AKAP9: variants seen among roughly 807,000 people sequenced by gnomAD.
AKAP9 encodes the protein A-kinase anchor protein 9.
Under a neutral mutation model 488.5 loss-of-function variants are expected in AKAP9, and 311 were observed. That is an observed-to-expected ratio of 0.64 (90% CI 0.58 to 0.70). The LOEUF (loss-of-function observed/expected upper bound fraction) is 0.70, where lower values mean the gene tolerates loss of function less well. Among genes scored for constraint, AKAP9 ranks in the 30% least tolerant of loss-of-function variants. The pLI is 0.00. For missense variants in AKAP9, 4,215 were observed against 4,374.5 expected, an observed-to-expected ratio of 0.96 and a Z score of 1.03; for synonymous variants, 1,462 against 1,483.5, an observed-to-expected ratio of 0.99 and a Z score of 0.33.
intron 1 of AKAP9, among the ~76,000 whole-genome samples, chr7:91,957,941 C>T (rs1793251936): frequency 6.6e-6 from 1 of 152,018 alleles, no homozygotes; most frequent in African/African-American, 2.4e-5. Context: ...TTCTGACGTA[C>T]AGCACATGCC....
At chr7:92,093,841 TTTTA>T in intron 39 of AKAP9, among the ~76,000 whole-genome samples, 1 of 152,032 alleles carries the variant, frequency 6.6e-6, no homozygotes, top group Non-Finnish European at 1.5e-5. Flanking sequence ...TATTTATTTA[TTTTA>T]TTTTATTTTT....
At chr7:92,003,512 G>C (rs1799425174) in intron 8 of AKAP9, among the ~76,000 whole-genome samples, 1 of 151,892 alleles carries the variant, frequency 6.6e-6, no homozygotes, top group Admixed American at 6.6e-5. Flanking sequence ...ACAAGAGTTT[G>C]TATAACTTTA....
In AKAP9 at chr7:92,038,773, G is replaced by T; in HGVS notation, c.4692+1G>T. Reference sequence around the variant, plus strand: ...TAAAACATTTATAGTTAGACAGTCTGTAAGTATGCCTCCTTGAATATAAAA... The same window carrying T: ...TAAAACATTTATAGTTAGACAGTCTTTAAGTATGCCTCCTTGAATATAAAA... On this transcript the variant is annotated splice_donor_variant, in intron 17 of 49. Coordinates refer to ENST00000356239, the MANE Select transcript of AKAP9 (RefSeq NM_005751.5). LOFTEE classifies it high-confidence loss of function. 1.9e-6 allele frequency: 3 copies of T among 1,576,354 alleles called. No individual in the cohort carries two copies. The highest frequency in any genetic ancestry group is 2.6e-6 in the Non-Finnish European group (3 of 1,150,646).
At chr7:92,106,548 T>C (rs963923751) in intron 47 of AKAP9, among the ~76,000 whole-genome samples, 2 of 152,224 alleles carry the variant, frequency 1.3e-5, no homozygotes, top group Non-Finnish European at 1.5e-5. Flanking sequence ...TAGGAAGTTT[T>C]CATAATTTAA....
chr7:92,010,330 A>G (rs1052915225), intron 8 of AKAP9, among the ~76,000 whole-genome samples: 3 of 152,244 alleles, frequency 2.0e-5, no homozygotes, highest in Non-Finnish European at 4.4e-5. Flanking sequence ...CCAACCTTTG[A>G]TCATTCGCAG....
chr7:91,986,040 T>C (rs563688599), intron 3 of AKAP9, among the ~76,000 whole-genome samples: 1 of 152,334 alleles, frequency 6.6e-6, no homozygotes, highest in African/African-American at 2.4e-5. Flanking sequence ...TGAATCTGTC[T>C]GGTCCTGGAC....
chr7:91,968,874 GTTTGT>G (rs1202459027), intron 1 of AKAP9, among the ~76,000 whole-genome samples: 3 of 151,768 alleles, frequency 2.0e-5, no homozygotes, highest in Non-Finnish European at 4.4e-5. Context: ...TTGGTTTTTT[GTTTGT>G]TTTGTTTTTT....
chr7:91,980,495 C>CTTTTTTTTTTTTTTTTTT (rs60385804), intron 3 of AKAP9, among the ~76,000 whole-genome samples, 162 bp downstream of exon 3: 11 of 48,768 alleles, frequency 2.3e-4, no homozygotes, highest in East Asian at 1.4e-3. Context: ...GTATTACTGA[C>CTTTTTTTTTTTTTTTTTT]TTTTTTTTTT....
Position 92,093,098 on chromosome 7 carries a change from A to G in AKAP9, c.9360A>G (p.Glu3120=), listed in dbSNP as rs1332498946. 1.9e-6 allele frequency: 3 copies of G among 1,603,472 alleles called. No individual in the cohort carries two copies. Among genetic ancestry groups the G allele is most frequent in the African/African-American group, 1.4e-5 (1 of 73,260 alleles). Residue 3120 remains glutamate, a splice_region_variant and synonymous_variant, in exon 39 of 50, where the codon GAA becomes GAG. Transcript: ENST00000356239. ...REQESEKPSQ[E]LLEYNIQQKQ... ...AAATATTAATCATGTTCTGTGTAGA[A>G]CTCTTGGAATATAATATACAGCAGA...
chr7:92,014,389 A>G, intron 10 of AKAP9, 61 bp downstream of exon 10: 1 of 1,243,726 alleles, frequency 8.0e-7, no homozygotes, highest in Non-Finnish European at 1.2e-6. Context: ...TAATCCCAGC[A>G]CTTTGGGAGG....
At chr7:92,054,351 A>AT (rs980455554) in intron 22 of AKAP9, among the ~76,000 whole-genome samples, 49 of 148,314 alleles carry the variant, frequency 3.3e-4, no homozygotes, top group African/African-American at 9.6e-4. Context: ...TTTAACCTTC[A>AT]TTTTTTTTTT....
At chr7:92,007,563 A>G (rs1800082535) in intron 8 of AKAP9, among the ~76,000 whole-genome samples, 1 of 152,236 alleles carries the variant, frequency 6.6e-6, no homozygotes, top group Admixed American at 6.5e-5. Flanking sequence ...AATGAAGGAT[A>G]GGAGGCTTGA....
At chr7:92,005,661 G>T (rs1799733603) in intron 8 of AKAP9, among the ~76,000 whole-genome samples, 1 of 151,790 alleles carries the variant, frequency 6.6e-6, no homozygotes, top group South Asian at 2.1e-4. Context: ...ATTGCTTAAC[G>T]ATTTTTTTGT....
chr7:91,995,519 T>C, intron 6 of AKAP9, 84 bp from the exon 7 acceptor site: 1 of 1,201,304 alleles, frequency 8.3e-7, no homozygotes, highest in South Asian at 1.3e-5. Context: ...CCCAGAGAGC[T>C]ATTGCAGGGA....
chr7:92,098,089 T>A lies in AKAP9; in HGVS notation c.10608-20T>A. On this transcript the variant is annotated intron_variant, in intron 42 of 49. Coordinates refer to ENST00000356239, the MANE Select transcript of AKAP9 (RefSeq NM_005751.5). ...CCCAATTGAGAAGGTATGTTTTGAC[T>A]TTTTGTCTTTTTCTTGAAGACTACA... is the stretch of plus-strand genomic sequence containing the variant. 1 of 1,537,704 alleles carries A rather than the reference T, an allele frequency of 6.5e-7. No individual in the cohort carries two copies. Among genetic ancestry groups the A allele is most frequent in the East Asian group, 2.2e-5 (1 of 44,480 alleles).
chr7:91,992,941 G>A lies in AKAP9; in HGVS notation c.462G>A (p.Pro154=), dbSNP rs375182237. 1.2e-5 allele frequency: 19 copies of A among 1,613,978 alleles called. No homozygotes were observed. The highest frequency in any genetic ancestry group is 1.1e-5 in the South Asian group (1 of 91,058). Residue 154 remains proline, a synonymous_variant, in exon 5 of 50, where the codon CCG becomes CCA. Coordinates refer to ENST00000356239, the MANE Select transcript of AKAP9 (RefSeq NM_005751.5). The part of the protein sequence containing the change: ...SYSEQGAQDS[P]THLEMMESEL... ...CTGAACAAGGAGCACAAGACAGTCC[G>A]ACTCATCTAGAGATGATGGAAAGTG...
intron 1 of AKAP9, among the ~76,000 whole-genome samples, chr7:91,966,514 ATT>A (rs1794460530): frequency 6.6e-6 from 1 of 152,232 alleles, no homozygotes; most frequent in Non-Finnish European, 1.5e-5. Flanking sequence ...AGGAATGTGT[ATT>A]CTTCAGCAGT....
At chr7:92,064,488 A>G (rs1810433808) in intron 24 of AKAP9, among the ~76,000 whole-genome samples, 1 of 152,168 alleles carries the variant, frequency 6.6e-6, no homozygotes, top group African/African-American at 2.4e-5. Flanking sequence ...AAATAACTCT[A>G]AGAGATCAGT....
chr7:92,016,994 G>C, intron 11 of AKAP9, 23 bp from the exon 12 acceptor site: 1 of 1,465,794 alleles, frequency 6.8e-7, no homozygotes, highest in Non-Finnish European at 9.5e-7. Flanking sequence ...TGAAATTATT[G>C]TAATTGTTTG....
Sources: allele counts gnomAD v4.1 joint callset (sites outside exome capture counted in the v4.1 genomes callset), GRCh38; gene constraint gnomAD v4.1.1; transcripts MANE v1.5; gene names NCBI Gene and HGNC (gene_info 2026-07-23, HGNC 2026-07-21).